The following PCDHA3 variants were observed in gnomAD, a reference collection of about 807,000 sequenced individuals.
The protein encoded by PCDHA3 is protocadherin alpha-3.
In PCDHA3, 41 loss-of-function variants were observed where a neutral mutation model predicts 62.2. The ratio of observed to expected loss-of-function variants is 0.66; its 90% CI spans 0.51 to 0.86. PCDHA3 has a LOEUF of 0.86. PCDHA3 is among the 40% of genes least tolerant of loss of function. The pLI, the probability that PCDHA3 is intolerant of heterozygous loss-of-function variation, is 0.00. For missense variants in PCDHA3, 1,304 were observed against 1,241.2 expected, an observed-to-expected ratio of 1.05 and a Z score of -0.76; for synonymous variants, 640 against 555.4, an observed-to-expected ratio of 1.15 and a Z score of -2.14.
At chr5:140,857,947 G>A in intron 1 of PCDHA3, 4 of 1,597,414 alleles carry the variant, frequency 2.5e-6, no homozygotes, top group Non-Finnish European at 2.6e-6. Context: ...TCAGTACGAC[G>A]CGCGCTCTGG....
At chr5:140,834,478 A>T in intron 1 of PCDHA3, 1 of 1,614,162 alleles carries the variant, frequency 6.2e-7, no homozygotes. Context: ...GGCCAGCTCC[A>T]CTACTCGGTC....
At position 140,850,636 on chromosome 5, in the gene PCDHA3, C is replaced by T. The variant is rs2150491740; in HGVS notation, c.2394+47045C>T. The T allele has an allele frequency of 8.1e-6, 13 of 1,598,538 alleles. 2 individuals are homozygous for T. The highest frequency in any genetic ancestry group is 6.7e-5 in the Admixed American group (4 of 59,320). Reference sequence around the variant, plus strand: ...GCGGTGTCTAGCCTGTTGGTTCTCACGCTGCTGCTGTACACTGTGCTGCGG... The same window carrying T: ...GCGGTGTCTAGCCTGTTGGTTCTCATGCTGCTGCTGTACACTGTGCTGCGG... On this transcript the variant is annotated intron_variant, in intron 1 of 3. Transcript: ENST00000522353.
In PCDHA3 at chr5:140,823,864, G is replaced by C. The variant is rs1317473064; in HGVS notation, c.2394+20273G>C. 4 of 1,613,766 alleles carry C rather than the reference G, an allele frequency of 2.5e-6. No homozygotes were observed. The highest frequency in any genetic ancestry group is 4.5e-5 in the East Asian group (2 of 44,878). ...CGAGGCTGCCCTGGTGGATGTCAAC[G>C]TGTACCTGATCATCGCCATCTGTGC... On this transcript the variant is annotated intron_variant, in intron 1 of 3. Coordinates refer to ENST00000522353, the MANE Select transcript of PCDHA3 (RefSeq NM_018906.3).
intron 1 of PCDHA3, among the ~76,000 whole-genome samples, chr5:140,838,279 A>AT (rs1775640988): frequency 3.2e-5 from 2 of 62,672 alleles, no homozygotes; most frequent in Non-Finnish European, 5.9e-5. Context: ...AAGCCATGCT[A>AT]ATTTTTTTTT....
At position 140,802,463 on chromosome 5, in the gene PCDHA3, G is replaced by T. The variant is rs781868454; in HGVS notation, c.1266G>T (p.Glu422Asp). The change falls in exon 1 of 4, where the codon GAG becomes GAT. Residue 422 changes from glutamate (E) to aspartate (D), a missense_variant. Transcript: ENST00000522353. ...PLDRESVSAY[E>D]LVVTARDGGS... The stretch of plus-strand genomic sequence containing the variant: ...ACCGCGAGAGCGTGTCGGCCTATGA[G>T]CTGGTGGTGACTGCTCGGGACGGGG... The T allele has an allele frequency of 1.9e-6, 3 of 1,614,092 alleles. No homozygotes were observed. The highest frequency in any genetic ancestry group is 2.5e-6 in the Non-Finnish European group (3 of 1,180,042).
intron 1 of PCDHA3, among the ~76,000 whole-genome samples, chr5:140,957,326 C>G (rs2095350528): frequency 6.6e-6 from 1 of 152,118 alleles, no homozygotes; most frequent in African/African-American, 2.4e-5. Context: ...GAGCACAGTA[C>G]AGTAAGATAT....
intron 1 of PCDHA3, chr5:140,856,613 A>G: frequency 6.3e-7 from 1 of 1,598,082 alleles, no homozygotes; most frequent in Non-Finnish European, 8.6e-7. Flanking sequence ...AGACAAAGAC[A>G]AATTCCCAGT....
chr5:140,808,599 G>A (rs1554124647), intron 1 of PCDHA3: 4 of 1,613,792 alleles, frequency 2.5e-6, no homozygotes, highest in African/African-American at 1.3e-5. Context: ...AACCCGCCGG[G>A]CTGCCACATC....
intron 1 of PCDHA3, among the ~76,000 whole-genome samples, chr5:140,805,933 T>C (rs1763653579): frequency 6.6e-6 from 1 of 152,154 alleles, no homozygotes; most frequent in Non-Finnish European, 1.5e-5. Context: ...ATTAGGTAAG[T>C]CCCTCTGAGC....
At chr5:140,902,301 G>A (rs943083254) in intron 1 of PCDHA3, among the ~76,000 whole-genome samples, 1 of 149,570 alleles carries the variant, frequency 6.7e-6, no homozygotes, top group African/African-American at 2.5e-5. Context: ...GCCTCCCAAA[G>A]TGCTGGGATT....
chr5:140,857,552 T>G lies in PCDHA3; in HGVS notation c.2394+53961T>G, dbSNP rs782203645. 82 of 1,596,700 alleles carry G rather than the reference T, an allele frequency of 5.1e-5. 3 individuals carry two copies. The Middle Eastern group carries it at 9.6e-4, about 19-fold the overall frequency. ...GGTGGAGCGGCGGTTGGGCGAGCGC[T>G]CGCTGTCGAGCTACGTGTCGGTGCA... On this transcript the variant is annotated intron_variant, in intron 1 of 3. Transcript: ENST00000522353.
chr5:140,815,959 G>T (rs1386419229), intron 1 of PCDHA3: 1 of 152,146 alleles, frequency 6.6e-6, no homozygotes, highest in Non-Finnish European at 1.5e-5. Context: ...AGAGTTAGGG[G>T]TGTTCTTTTG....
chr5:141,009,889 G>A lies in PCDHA3; in HGVS notation c.2805G>A (p.Gln935=). ...KKKKKKGNKT[Q]EKKEKGNSTT... is the part of the protein sequence containing the mutation. ...AAAAGAAGAAGGGTAACAAGACCCAGGAGAAAAAAGAGAAAGGGAACAGCA... is the reference window on the plus strand; with the variant it reads ...AAAAGAAGAAGGGTAACAAGACCCAAGAGAAAAAAGAGAAAGGGAACAGCA... Residue 935 remains glutamine, a synonymous_variant, in exon 4 of 4, where the codon CAG becomes CAA. Transcript: ENST00000522353. 6.2e-7 allele frequency: 1 copy of A among 1,612,866 alleles called. No homozygotes were observed. Among genetic ancestry groups the A allele is most frequent in the South Asian group, 1.1e-5 (1 of 90,852 alleles).
At chr5:140,909,523 C>G (rs1265179214) in intron 1 of PCDHA3, among the ~76,000 whole-genome samples, 1 of 152,172 alleles carries the variant, frequency 6.6e-6, no homozygotes, top group Non-Finnish European at 1.5e-5. Context: ...AACCCCTGCA[C>G]ATTTTGAGTC....
chr5:140,894,603 C>G (rs782068626), intron 1 of PCDHA3, among the ~76,000 whole-genome samples: 1 of 151,756 alleles, frequency 6.6e-6, no homozygotes, highest in African/African-American at 2.4e-5. Context: ...TTTCTCATCT[C>G]TCTTTTCAAA....
In PCDHA3 at chr5:140,857,513, G is replaced by T. The variant is rs781950263; in HGVS notation, c.2394+53922G>T. 3 of 1,598,208 alleles carry T rather than the reference G, an allele frequency of 1.9e-6. No individual in the cohort carries two copies. In the South Asian group the frequency reaches 3.3e-5, roughly 18 times the overall value. On this transcript the variant is annotated intron_variant, in intron 1 of 3. Transcript: ENST00000522353. ...CGCGGACGCGCAGGAGAACGCCCTG[G>T]TGTCCTACTCTCTGGTGGAGCGGCG...
chr5:140,901,148 CA>C (rs1244292469), intron 1 of PCDHA3, among the ~76,000 whole-genome samples: 17 of 152,076 alleles, frequency 1.1e-4, no homozygotes, highest in Non-Finnish European at 2.4e-4. Context: ...TATTTTCTCT[CA>C]ATCTGTGGGT....
intron 1 of PCDHA3, chr5:140,869,866 G>A (rs1165429955): frequency 1.9e-6 from 3 of 1,610,400 alleles, no homozygotes; most frequent in Non-Finnish European, 1.7e-6. Flanking sequence ...TATGGAAAAT[G>A]CTGCTAAAGA....
intron 1 of PCDHA3, among the ~76,000 whole-genome samples, chr5:140,971,604 A>G (rs2096487974): frequency 6.6e-6 from 1 of 152,160 alleles, no homozygotes; most frequent in Admixed American, 6.5e-5. Flanking sequence ...TACAGATGGC[A>G]GGAGAGTCCT....
Sources: allele counts gnomAD v4.1 joint callset (sites outside exome capture counted in the v4.1 genomes callset), GRCh38; gene constraint gnomAD v4.1.1; transcripts MANE v1.5; gene names NCBI Gene and HGNC (gene_info 2026-07-23, HGNC 2026-07-21).